The following IQCH variants were observed in gnomAD, a reference collection of about 807,000 sequenced individuals.
IQCH encodes the protein IQ motif containing H, also known as IQ domain-containing protein H.
Under a neutral mutation model 117.0 loss-of-function variants are expected in IQCH, and 98 were observed. The ratio of observed to expected loss-of-function variants is 0.84; its 90% CI spans 0.71 to 0.99. The LOEUF (loss-of-function observed/expected upper bound fraction) is 0.99, where lower values mean the gene tolerates loss of function less well. Ranked by LOEUF, IQCH falls within the 50% of genes least tolerant of loss-of-function variation. The pLI, the probability that IQCH is intolerant of heterozygous loss-of-function variation, is 0.00. For synonymous variants in IQCH, 412 were observed against 448.2 expected (o/e 0.92, Z 1.02); for missense variants, 1,102 against 1,243.8 (o/e 0.89, Z 1.72).
intron 20 of IQCH, among the ~76,000 whole-genome samples, chr15:67,495,098 G>A (rs2083770009): frequency 6.6e-6 from 1 of 152,120 alleles, no homozygotes; most frequent in Admixed American, 6.5e-5. Context: ...TAATTCAAAG[G>A]ACACAATCAG....
chr15:67,320,172 C>T (rs1257232349), intron 4 of IQCH, among the ~76,000 whole-genome samples: 3 of 152,230 alleles, frequency 2.0e-5, no homozygotes, highest in African/African-American at 7.2e-5. Context: ...AAAAGAGCCC[C>T]AGCAGTTCTG....
intron 17 of IQCH, among the ~76,000 whole-genome samples, chr15:67,471,608 G>A (rs569118103): frequency 6.6e-6 from 1 of 152,248 alleles, no homozygotes; most frequent in African/African-American, 2.4e-5. Flanking sequence ...AAGGTTTATT[G>A]GTTAGTTGGT....
At chr15:67,258,359 C>T (rs373320513) in intron 1 of IQCH, among the ~76,000 whole-genome samples, 4 of 151,644 alleles carry the variant, frequency 2.6e-5, no homozygotes, top group African/African-American at 9.7e-5. Flanking sequence ...GGTGAAACCC[C>T]GTCTCTACTA....
chr15:67,333,896 A>T (rs1340219698), intron 4 of IQCH, among the ~76,000 whole-genome samples: 1 of 152,014 alleles, frequency 6.6e-6, no homozygotes, highest in Non-Finnish European at 1.5e-5. Context: ...GTCTCTACAA[A>T]AAATACAAAA....
At position 67,366,250 on chromosome 15, in the gene IQCH, C is replaced by G. The variant is rs1223589312; in HGVS notation, c.754-5861C>G. ...GTTCAACCCATCCATCATAATTGTC[C>G]CCAGTGGTCCTTAACTATGTCACAT... On this transcript the variant is annotated intron_variant, in intron 8 of 20. Coordinates refer to ENST00000335894, the MANE Select transcript of IQCH (RefSeq NM_001031715.3). The surrounding 1 kb of genome is among the most constrained non-coding windows in gnomAD (Gnocchi z 4.4). Among the ~76,000 whole-genome samples the G allele has an allele frequency of 1.3e-5, 2 of 152,098 alleles. No individual in the cohort carries two copies. The highest frequency in any genetic ancestry group is 2.9e-5 in the Non-Finnish European group (2 of 68,014).
chr15:67,298,229 A>G (rs1370127195), intron 4 of IQCH, among the ~76,000 whole-genome samples: 1 of 151,226 alleles, frequency 6.6e-6, no homozygotes, highest in Non-Finnish European at 1.5e-5. Flanking sequence ...AATTGCTTGA[A>G]CCCAGGAGGC....
intron 4 of IQCH, among the ~76,000 whole-genome samples, chr15:67,320,902 A>G (rs1041411203): frequency 4.6e-5 from 7 of 152,222 alleles, no homozygotes; most frequent in African/African-American, 1.4e-4. Flanking sequence ...TATACCATTA[A>G]GCCACCTGGA....
rs1971283248 is a variant in IQCH at position 67,391,492 on chromosome 15, G to C, written c.1632+2486G>C. Among the ~76,000 whole-genome samples the C allele has an allele frequency of 6.6e-6, 1 of 152,014 alleles. No individual in the cohort carries two copies. Among genetic ancestry groups the C allele is most frequent in the African/African-American group, 2.4e-5 (1 of 41,366 alleles). On this transcript the variant is annotated intron_variant, in intron 12 of 20. Transcript: ENST00000335894. The surrounding 1 kb of genome is among the most constrained non-coding windows in gnomAD (Gnocchi z 4.3). ...ACTATATGATTCTTGAATTTGTAAT[G>C]GTAAAATGTGCTCTTTATAAAAGTC...
At chr15:67,318,276 C>T (rs184328526) in intron 4 of IQCH, among the ~76,000 whole-genome samples, 35 of 152,176 alleles carry the variant, frequency 2.3e-4, no homozygotes, top group African/African-American at 8.4e-4. Context: ...TTTCTCTTCT[C>T]CCTCTCCACA....
At position 67,255,101 on chromosome 15, in the gene IQCH, C is replaced by T. The variant is rs546773778; in HGVS notation, c.51+154C>T. ...GGCTCCCAAAAATGCCCACCCAGAC[C>T]TTCCCCCACGGCCCAGCACACTCCC... On this transcript the variant is annotated intron_variant, in intron 1 of 20. Coordinates refer to ENST00000335894, the MANE Select transcript of IQCH (RefSeq NM_001031715.3). The T allele has an allele frequency of 1.2e-4, 88 of 720,976 alleles. 1 individual carries two copies. The South Asian group carries it at 1.4e-3, about 11-fold the overall frequency. The allele number at this position is 720,976 out of a possible 1,614,324, so 44.7% of individuals were successfully genotyped here.
intron 9 of IQCH, 34 bp from the exon 10 acceptor site, chr15:67,373,333 C>T (rs779694037): frequency 3.3e-6 from 5 of 1,506,144 alleles, no homozygotes; most frequent in East Asian, 4.5e-5. Flanking sequence ...ACTACAGCTT[C>T]CTGTCACTGA....
chr15:67,318,087 C>G (rs1967934142), intron 4 of IQCH, among the ~76,000 whole-genome samples: 1 of 152,158 alleles, frequency 6.6e-6, no homozygotes, highest in African/African-American at 2.4e-5. Context: ...TTGGAAAATA[C>G]AAGGGTTGAA....
chr15:67,353,704 A>G lies in IQCH; in HGVS notation c.638-3641A>G, dbSNP rs375761892. The stretch of plus-strand genomic sequence containing the variant: ...ACATAAAACAGGCAGATCTCTGACA[A>G]TAATGATAAAGAAAGGAAAATAGAA... On this transcript the variant is annotated intron_variant, in intron 6 of 20. Coordinates refer to ENST00000335894, the MANE Select transcript of IQCH (RefSeq NM_001031715.3). 9.8e-5 allele frequency among the ~76,000 whole-genome samples: 15 copies of G among 152,356 alleles called. No homozygotes were observed. In the East Asian group the frequency reaches 1.7e-3, roughly 18 times the overall value.
In IQCH at chr15:67,341,697, CAT is replaced by C. The variant is rs535963997; in HGVS notation, c.509-2365_509-2364del. Reference sequence around the variant, plus strand: ...CTCTTATATAAATATAAAATGAACACATGTCAAAGATTTTATTAGCTTATTAA... The same window carrying C: ...CTCTTATATAAATATAAAATGAACACGTCAAAGATTTTATTAGCTTATTAA... On this transcript the variant is annotated intron_variant, in intron 5 of 20. Coordinates refer to ENST00000335894, the MANE Select transcript of IQCH (RefSeq NM_001031715.3). Among the ~76,000 whole-genome samples, 14 of 152,058 alleles carry C rather than the reference CAT, an allele frequency of 9.2e-5. No homozygotes were observed. In the South Asian group the frequency reaches 2.5e-3, roughly 27 times the overall value.
chr15:67,452,572 TAG>T (rs550936681), intron 16 of IQCH, among the ~76,000 whole-genome samples: 1 of 152,230 alleles, frequency 6.6e-6, no homozygotes. Context: ...TTCTGGCTTG[TAG>T]AGTTTCTGCC....
At position 67,321,477 on chromosome 15, in the gene IQCH, T is replaced by C. The variant is rs201781714; in HGVS notation, c.388-15498T>C. Among the ~76,000 whole-genome samples the C allele has an allele frequency of 3.3e-4, 30 of 90,746 alleles. No homozygotes were observed. In the South Asian group the frequency reaches 9.2e-3, roughly 28 times the overall value. The allele number at this position is 90,746 out of a possible 152,430, so 59.5% of individuals were successfully genotyped here. ...CCTTCCTTTCCTTCCTTCCTTCCTT[T>C]CTTTCTTTCTTTTTCTTTCTTTTTT... On this transcript the variant is annotated intron_variant, in intron 4 of 20. Coordinates refer to ENST00000335894, the MANE Select transcript of IQCH (RefSeq NM_001031715.3).
At position 67,475,768 on chromosome 15, in the gene IQCH, T is replaced by A; in HGVS notation, c.2749T>A (p.Tyr917Asn). 6.2e-7 allele frequency: 1 copy of A among 1,614,148 alleles called. No individual in the cohort carries two copies. The highest frequency in any genetic ancestry group is 8.5e-7 in the Non-Finnish European group (1 of 1,179,972). Residue 917 changes from tyrosine (Y) to asparagine (N), a missense_variant, in exon 18 of 21, where the codon TAT becomes AAT. By Grantham distance (143) the Tyr-to-Asn change is moderately radical. This residue lies in a region of IQCH where 650 missense variants were observed against 794.3 expected (regional missense o/e 0.82). Coordinates refer to ENST00000335894, the MANE Select transcript of IQCH (RefSeq NM_001031715.3). This position sits in a 1 kb window ranked among gnomAD's most constrained non-coding sequence, Gnocchi z 5.7. ...CAGCAATCTCTCACTGGTTTTCCAC[T>A]ATGTTTTTCTCCAGATCTGTAGGGC... ...RHSNLSLVFH[Y>N]VFLQICRAHG...
At chr15:67,309,419 CTG>C (rs1356187878) in intron 4 of IQCH, among the ~76,000 whole-genome samples, 1 of 152,088 alleles carries the variant, frequency 6.6e-6, no homozygotes, top group Non-Finnish European at 1.5e-5. Flanking sequence ...TTCTGTTTGT[CTG>C]TTTTTCAAAT....
In IQCH at chr15:67,302,779, C is replaced by T. The variant is rs545881806; in HGVS notation, c.387+23267C>T. ...GGCTGAGGCAGGAGAATCACTTGAA[C>T]CTGGGAGGCGGAGGTTTCAGTGAAC... is the stretch of plus-strand genomic sequence containing the variant. On this transcript the variant is annotated intron_variant, in intron 4 of 20. Coordinates refer to ENST00000335894, the MANE Select transcript of IQCH (RefSeq NM_001031715.3). 5.3e-5 allele frequency among the ~76,000 whole-genome samples: 8 copies of T among 152,280 alleles called. No homozygotes were observed. In the South Asian group the frequency reaches 1.0e-3, roughly 20 times the overall value.
Sources: allele counts gnomAD v4.1 joint callset (sites outside exome capture counted in the v4.1 genomes callset), GRCh38; gene constraint gnomAD v4.1.1; regional missense constraint gnomAD v4.1.1; non-coding constraint Gnocchi (gnomAD v3.1); transcripts MANE v1.5; gene names NCBI Gene and HGNC (gene_info 2026-07-23, HGNC 2026-07-21).